The following PBRM1 variants were observed in gnomAD, a reference collection of about 807,000 sequenced individuals.
The protein encoded by PBRM1 is polybromo 1, also known as protein polybromo-1.
Under a neutral mutation model 194.5 loss-of-function variants are expected in PBRM1, and 27 were observed. The observed-to-expected ratio is 0.14, with a 90% confidence interval of 0.10 to 0.19. The LOEUF (loss-of-function observed/expected upper bound fraction) is 0.19. PBRM1 is among the 10% of genes least tolerant of loss of function. The probability of loss-of-function intolerance (pLI) is 1.00; values close to 1 mark genes in which losing one functional copy is unlikely to be tolerated. For synonymous variants in PBRM1, 655 were observed against 693.2 expected (o/e 0.94, Z 0.87); for missense variants, 1,466 against 2,077.2 (o/e 0.71, Z 5.72).
At chr3:52,565,565 A>G (rs2084925529) in intron 22 of PBRM1, among the ~76,000 whole-genome samples, 1 of 152,020 alleles carries the variant, frequency 6.6e-6, no homozygotes, top group African/African-American at 2.4e-5. Flanking sequence ...AAAGGATACT[A>G]TCAAGAAAGT....
chr3:52,685,783 T>G, exon 1 of PBRM1: 4 of 251,124 alleles, frequency 1.6e-5, no homozygotes, highest in Non-Finnish European at 2.2e-5. Flanking sequence ...CCGGCCGCGG[T>G]CACCGACCGC....
chr3:52,663,763 A>G (rs750334779), intron 3 of PBRM1, among the ~76,000 whole-genome samples: 4 of 152,230 alleles, frequency 2.6e-5, no homozygotes, highest in Admixed American at 2.6e-4. Context: ...AAAATGTTTA[A>G]AAGTTGGGCA....
chr3:52,627,255 T>C lies in PBRM1; in HGVS notation c.1541+18A>G. On this transcript the variant is annotated intron_variant, in intron 13 of 29. Coordinates refer to ENST00000296302, the Ensembl canonical transcript of PBRM1. ...TAACAGGAACTGAGATGTCCCCAGC[T>C]ATAAGAAGAGTATATACCTTTTTCT... 1 of 1,391,138 alleles carries C rather than the reference T, an allele frequency of 7.2e-7. No homozygotes were observed. Among genetic ancestry groups the C allele is most frequent in the Non-Finnish European group, 1.0e-6 (1 of 979,240 alleles). 86.2% of individuals were successfully genotyped at this position (1,391,138 alleles called of 1,614,324 possible).
intron 17 of PBRM1, among the ~76,000 whole-genome samples, chr3:52,595,184 C>T (rs916366719): frequency 6.6e-6 from 1 of 152,002 alleles, no homozygotes; most frequent in Non-Finnish European, 1.5e-5. Context: ...TTTAAAGTTG[C>T]TGTCCTTTGG....
At chr3:52,682,685 T>C (rs1337689752), upstream of PBRM1, among the ~76,000 whole-genome samples, 2 of 152,218 alleles carry the variant, frequency 1.3e-5, no homozygotes, top group Non-Finnish European at 2.9e-5. Context: ...AAGACCAGAA[T>C]AGGAGTCCTA....
chr3:52,681,834 A>G, upstream of PBRM1: 1 of 405,274 alleles, frequency 2.5e-6, no homozygotes, highest in Non-Finnish European at 3.4e-6. Flanking sequence ...AAAAAGAAGA[A>G]CAAGGCAGAG....
At chr3:52,615,292 A>G in intron 15 of PBRM1, 59 bp downstream of exon 17, 2 of 880,210 alleles carry the variant, frequency 2.3e-6, no homozygotes. Flanking sequence ...TATTTCAGAA[A>G]AATCAGCAAT....
chr3:52,629,033 G>C (rs1244486563), exon 12 of PBRM1: 2 of 1,598,660 alleles, frequency 1.3e-6, no homozygotes, highest in Non-Finnish European at 1.7e-6. Flanking sequence ...CTTCAGTTTT[G>C]TTCTGTGAAA....
chr3:52,554,159 C>T (rs566669104), intron 27 of PBRM1, among the ~76,000 whole-genome samples: 1 of 152,322 alleles, frequency 6.6e-6, no homozygotes, highest in East Asian at 1.9e-4. Context: ...TGCATTCCCT[C>T]CCTGCTTTTT....
At chr3:52,633,524 T>C (rs1056362377) in intron 11 of PBRM1, among the ~76,000 whole-genome samples, 10 of 152,278 alleles carry the variant, frequency 6.6e-5, no homozygotes, top group South Asian at 2.1e-4. Context: ...TTGGGGTACA[T>C]ATGCAAAATG....
At chr3:52,593,883 G>A (rs892897996) in intron 17 of PBRM1, among the ~76,000 whole-genome samples, 2 of 152,192 alleles carry the variant, frequency 1.3e-5, no homozygotes, top group African/African-American at 4.8e-5. Flanking sequence ...ATGTGGTAAT[G>A]AGAAGAATGC....
chr3:52,558,506 C>A, intron 25 of PBRM1, 93 bp from the exon 28 acceptor site: 1 of 1,106,352 alleles, frequency 9.0e-7, no homozygotes, highest in South Asian at 1.7e-5. Flanking sequence ...AAAACACAGG[C>A]AACAGTTCTG....
intron 10 of PBRM1, among the ~76,000 whole-genome samples, chr3:52,638,768 C>CT (rs376252437): frequency 2.6e-5 from 4 of 151,502 alleles, no homozygotes; most frequent in Non-Finnish European, 4.4e-5. Context: ...GCTAATTTTT[C>CT]TTTTTCTTTT....
chr3:52,564,018 G>T (rs749156378), intron 23 of PBRM1, 32 bp downstream of exon 25: 23 of 1,479,368 alleles, frequency 1.6e-5, no homozygotes, highest in Middle Eastern at 2.0e-4. Context: ...TAATGGAAGT[G>T]CTCTTTTTTC....
intron 23 of PBRM1, 101 bp downstream of exon 25, chr3:52,563,944 ACTACT>A: frequency 1.5e-6 from 1 of 659,154 alleles, no homozygotes; most frequent in Non-Finnish European, 2.6e-6. Context: ...TGAAATATTT[ACTACT>A]CTAGTTTAAG....
intron 11 of PBRM1, among the ~76,000 whole-genome samples, chr3:52,629,388 G>T: frequency 6.6e-6 from 1 of 152,090 alleles, no homozygotes; most frequent in East Asian, 1.9e-4. Context: ...CCTTATGAAG[G>T]GACGAAAATT....
chr3:52,617,808 G>A (rs989519210), intron 13 of PBRM1, among the ~76,000 whole-genome samples: 1 of 152,126 alleles, frequency 6.6e-6, no homozygotes, highest in African/African-American at 2.4e-5. Flanking sequence ...TGCAATGTTT[G>A]AAATAAGATC....
At chr3:52,616,536 A>G (rs1043759182) in intron 14 of PBRM1, among the ~76,000 whole-genome samples, 10 of 152,140 alleles carry the variant, frequency 6.6e-5, no homozygotes, top group African/African-American at 2.4e-4. Flanking sequence ...TACTAAAAGT[A>G]CAAAAAATTA....
At chr3:52,653,388 G>C (rs192076686) in intron 5 of PBRM1, among the ~76,000 whole-genome samples, 1 of 151,982 alleles carries the variant, frequency 6.6e-6, no homozygotes, top group East Asian at 1.9e-4. Context: ...TCAGGAGTTC[G>C]AGACTAGCCT....
Sources: allele counts gnomAD v4.1 joint callset (sites outside exome capture counted in the v4.1 genomes callset), GRCh38; gene constraint gnomAD v4.1.1; transcripts MANE v1.5; gene names NCBI Gene and HGNC (gene_info 2026-07-23, HGNC 2026-07-21).